MRM2: variants seen among roughly 807,000 people sequenced by gnomAD.
MRM2 encodes the protein rRNA methyltransferase 2, mitochondrial.
Under a neutral mutation model 10.9 loss-of-function variants are expected in MRM2, and 15 were observed. The ratio of observed to expected loss-of-function variants is 1.37; its 90% CI spans 0.92 to 2.11. The LOEUF (loss-of-function observed/expected upper bound fraction) is 2.11. MRM2 is among the 30% of genes most tolerant of loss of function. MRM2 has a pLI of 0.00. For synonymous variants in MRM2, 139 were observed against 128.7 expected, an observed-to-expected ratio of 1.08 and a Z score of -0.54; for missense variants, 328 against 321.3, an observed-to-expected ratio of 1.02 and a Z score of -0.16.
chr7:2,239,833 GAACTGATA>G (rs1794489770), intron 1 of MRM2, 126 bp from the exon 2 acceptor site: 2 of 815,742 alleles, frequency 2.5e-6, no homozygotes, highest in Admixed American at 4.9e-5. Flanking sequence ...GAGGGGAGGT[GAACTGATA>G]AGGCTACACA....
chr7:2,240,249 T>C, intron 1 of MRM2: 1 of 455,238 alleles, frequency 2.2e-6, no homozygotes, highest in South Asian at 1.6e-5. Context: ...ATCAATTAAT[T>C]AATTAAAGTA....
intron 1 of MRM2, 77 bp from the exon 2 acceptor site, chr7:2,239,784 C>A (rs1461137710): frequency 1.5e-6 from 2 of 1,313,972 alleles, no homozygotes; most frequent in African/African-American, 1.5e-5. Context: ...GCCCTCGGAT[C>A]AACTCATTCA....
intron 1 of MRM2, among the ~76,000 whole-genome samples, chr7:2,240,098 T>G (rs1794493193): frequency 6.6e-6 from 1 of 152,072 alleles, no homozygotes; most frequent in East Asian, 1.9e-4. Context: ...GGCAGATGCC[T>G]ATAAACCCAG....
chr7:2,240,125 A>C, intron 1 of MRM2: 2 of 340,348 alleles, frequency 5.9e-6, no homozygotes, highest in Non-Finnish European at 5.8e-6. Flanking sequence ...GGGAGGCTGA[A>C]GCAGGAGAAT....
chr7:2,241,138 ACT>A (rs1794525041), intron 1 of MRM2, among the ~76,000 whole-genome samples: 1 of 151,622 alleles, frequency 6.6e-6, no homozygotes, highest in Non-Finnish European at 1.5e-5. Flanking sequence ...AGTAGCTGAG[ACT>A]ACAGGTGTGT....
chr7:2,240,664 G>A (rs979571695), intron 1 of MRM2, among the ~76,000 whole-genome samples: 4 of 151,662 alleles, frequency 2.6e-5, no homozygotes, highest in Non-Finnish European at 4.4e-5. Flanking sequence ...ACCTCCCCTT[G>A]TTTAACTCTG....
intron 2 of MRM2, among the ~76,000 whole-genome samples, chr7:2,237,422 C>T (rs1300631080): frequency 6.6e-6 from 1 of 152,120 alleles, no homozygotes; most frequent in African/African-American, 2.4e-5. Context: ...GAGGACAAGC[C>T]CAGGCAGATC....
At chr7:2,235,636 C>T in intron 2 of MRM2, 72 bp from the exon 3 acceptor site, 5 of 1,037,110 alleles carry the variant, frequency 4.8e-6, no homozygotes, top group Non-Finnish European at 7.0e-6. Flanking sequence ...GTACATGCAA[C>T]AAAGTGATGA....
At chr7:2,237,594 CCAA>C (rs1301950090) in intron 2 of MRM2, among the ~76,000 whole-genome samples, 2 of 152,150 alleles carry the variant, frequency 1.3e-5, no homozygotes, top group Non-Finnish European at 1.5e-5. Flanking sequence ...ACTGACATTT[CCAA>C]CACAAATTCA....
chr7:2,234,601 A>G lies in MRM2; in HGVS notation c.*521T>C, dbSNP rs1794381681. 3 of 156,132 alleles carry G rather than the reference A, an allele frequency of 1.9e-5. No individual in the cohort carries two copies. The highest frequency in any genetic ancestry group is 2.8e-5 in the Non-Finnish European group (2 of 70,330). The allele number at this position is 156,132 out of a possible 1,614,324, so 9.7% of individuals were successfully genotyped here. ...AACTCCTGACTTCAAGCAATCCCCC[A>G]GCCTCAGCCTTCTAAAGCCCTGGGT... On this transcript the variant is annotated 3_prime_UTR_variant, in exon 3 of 3. Coordinates refer to ENST00000242257, the MANE Select transcript of MRM2 (RefSeq NM_013393.3).
chr7:2,240,852 A>G (rs1182346911), intron 1 of MRM2, among the ~76,000 whole-genome samples: 1 of 152,058 alleles, frequency 6.6e-6, no homozygotes, highest in Admixed American at 6.6e-5. Flanking sequence ...ACCTGCTACC[A>G]TGTCCGGCTA....
chr7:2,239,676 G>A lies in MRM2; in HGVS notation c.40C>T (p.Arg14Cys), dbSNP rs116607388. ...CTCCCAACAGTGTGGAACCCTTGAC[G>A]CTGAAAGGAAACACACACCAGCTTC... ...YLKLVCVSFQ[R>C]QGFHTVGSRC... The change falls in exon 2 of 3, where the codon CGT (arginine) becomes TGT (cysteine). Residue 14 changes from arginine (R) to cysteine (C), a missense_variant. Arg to Cys is a radical substitution (Grantham distance 180, BLOSUM62 -3). Transcript: ENST00000242257. 86 of 1,613,600 alleles carry A rather than the reference G, an allele frequency of 5.3e-5. No homozygotes were observed. The African/African-American group carries it at 8.0e-4, about 15-fold the overall frequency.
rs1794382265 is a variant in MRM2, at chr7:2,234,617, AG to A, written c.*504del. ...CAATCCCCCAGCCTCAGCCTTCTAA[AG>A]CCCTGGGTTTACAGGCATGAGTGGC... On this transcript the variant is annotated 3_prime_UTR_variant, in exon 3 of 3. Coordinates refer to ENST00000242257, the MANE Select transcript of MRM2 (RefSeq NM_013393.3). 1 of 157,928 alleles carries A rather than the reference AG, an allele frequency of 6.3e-6. No homozygotes were observed. Among genetic ancestry groups the A allele is most frequent in the African/African-American group, 2.4e-5 (1 of 41,448 alleles). The allele number at this position is 157,928 out of a possible 1,614,324, so 9.8% of individuals were successfully genotyped here. A position where few individuals can be genotyped will look rare whatever the true frequency, so the allele number is the denominator to read the frequency against.
At chr7:2,236,885 A>G (rs953648877) in intron 2 of MRM2, among the ~76,000 whole-genome samples, 5 of 152,180 alleles carry the variant, frequency 3.3e-5, no homozygotes, top group African/African-American at 9.7e-5. Context: ...GAATGTAGGT[A>G]CAGAGTGAGA....
rs751252353 is a variant in MRM2 at position 2,235,470 on chromosome 7, AGTCAC to A, written c.388_392del (p.Val130Ter). 1 of 1,614,054 alleles carries A rather than the reference AGTCAC, an allele frequency of 6.2e-7. No individual in the cohort carries two copies. The highest frequency in any genetic ancestry group is 1.7e-5 in the Admixed American group (1 of 60,014). Reference sequence around the variant, plus strand: ...GGATTCTCTGTGAGGTTCTCGGGTCAGTCACGTCAGCAGGGCACAGAAAAGTTGCT... The same window carrying A: ...GGATTCTCTGTGAGGTTCTCGGGTCAGTCAGCAGGGCACAGAAAAGTTGCT... On this transcript the variant is annotated frameshift_variant, in exon 3 of 3. Transcript: ENST00000242257. LOFTEE classifies it low-confidence loss of function (END_TRUNC).
intron 2 of MRM2, among the ~76,000 whole-genome samples, chr7:2,237,284 C>A (rs1425464088): frequency 1.3e-5 from 2 of 152,214 alleles, no homozygotes; most frequent in African/African-American, 4.8e-5. Context: ...AGGTGTGAGC[C>A]ACTGCGCCCG....
At chr7:2,239,374 C>A in intron 2 of MRM2, 44 bp downstream of exon 2, 1 of 1,570,272 alleles carries the variant, frequency 6.4e-7, no homozygotes, top group African/African-American at 1.3e-5. Context: ...GCCCACTCAG[C>A]CTCAGGGGAG....
chr7:2,234,253 T>C lies in MRM2; in HGVS notation c.*869A>G, dbSNP rs1173378419. 1 of 152,220 alleles carries C rather than the reference T, an allele frequency of 6.6e-6. No homozygotes were observed. The highest frequency in any genetic ancestry group is 2.4e-5 in the African/African-American group (1 of 41,456). 9.4% of individuals were successfully genotyped at this position (152,220 alleles called of 1,614,324 possible). ...TAAATATAAAGCTGCGTCAAGTTCC[T>C]AGATGAGTAAAAGAAAATAAACACA... On this transcript the variant is annotated 3_prime_UTR_variant, in exon 3 of 3. Coordinates refer to ENST00000242257, the MANE Select transcript of MRM2 (RefSeq NM_013393.3).
chr7:2,240,373 T>A (rs533574209), intron 1 of MRM2: 3 of 432,724 alleles, frequency 6.9e-6, no homozygotes, highest in Non-Finnish European at 1.4e-5. Flanking sequence ...TGACAGCTAG[T>A]ACAGAGGGTC....
Sources: gnomAD v4.1 joint callset for allele counts (sites outside exome capture counted in the v4.1 genomes callset) on GRCh38, gnomAD v4.1.1 for gene constraint, MANE v1.5 for transcripts, NCBI Gene and HGNC (gene_info 2026-07-23, HGNC 2026-07-21) for gene names.